The following ZFAT variants were observed in gnomAD, a reference collection of about 807,000 sequenced individuals.
ZFAT encodes the protein zinc finger protein ZFAT.
In ZFAT, 64 loss-of-function variants were observed where a neutral mutation model predicts 117.7. That is an observed-to-expected ratio of 0.54 (90% CI 0.44 to 0.67). The LOEUF is 0.67. Among genes scored for constraint, ZFAT ranks in the 30% least tolerant of loss-of-function variants. The pLI is 0.00. For synonymous variants in ZFAT, 679 were observed against 615.0 expected, an observed-to-expected ratio of 1.10 and a Z score of -1.54; for missense variants, 1,433 against 1,584.5, an observed-to-expected ratio of 0.90 and a Z score of 1.62.
intron 7 of ZFAT, chr8:134,597,767 G>A (rs1011814184): frequency 2.0e-5 from 3 of 152,122 alleles, no homozygotes; most frequent in Admixed American, 6.5e-5. Context: ...CTTTAAAAGC[G>A]TTTCTGCTGG....
intron 6 of ZFAT, 23 bp from the exon 7 acceptor site, chr8:134,600,691 G>A (rs760474148): frequency 4.0e-6 from 6 of 1,517,564 alleles, no homozygotes; most frequent in Non-Finnish European, 5.3e-6. Context: ...TTTCACATGA[G>A]AACAAGGAAG....
At chr8:134,504,376 T>C (rs1819235496) in intron 15 of ZFAT, among the ~76,000 whole-genome samples, 1 of 152,186 alleles carries the variant, frequency 6.6e-6, no homozygotes, top group African/African-American at 2.4e-5. Flanking sequence ...TCAATCATCC[T>C]GACCTTCTTA....
At position 134,712,885 on chromosome 8, in the gene ZFAT, A is replaced by G. The variant is rs781067598; in HGVS notation, c.-22T>C. On this transcript the variant is annotated 5_prime_UTR_variant, in exon 1 of 16. Transcript: ENST00000377838. ...CCATGGCAACGCCCCACCGCGGAGGAAAAAAAAGCCTCGGGCTCTTCCGGG... is the reference window on the plus strand; with the variant it reads ...CCATGGCAACGCCCCACCGCGGAGGGAAAAAAAGCCTCGGGCTCTTCCGGG... The G allele has an allele frequency of 7.9e-5, 108 of 1,364,038 alleles. No homozygotes were observed. Among genetic ancestry groups the G allele is most frequent in the East Asian group, 7.6e-4 (18 of 23,634 alleles). The allele number at this position is 1,364,038 out of a possible 1,614,324, so 84.5% of individuals were successfully genotyped here. A position where few individuals can be genotyped will look rare whatever the true frequency, so the allele number is the denominator to read the frequency against.
upstream of ZFAT, among the ~76,000 whole-genome samples, chr8:134,713,441 C>T (rs775198084): frequency 5.3e-5 from 8 of 152,364 alleles, no homozygotes; most frequent in Non-Finnish European, 1.0e-4. Context: ...ATGTGTCCAT[C>T]GGGGTGCTCC....
chr8:134,789,921 C>T, the ZFAT span, among the ~76,000 whole-genome samples: 5 of 152,216 alleles, frequency 3.3e-5, no homozygotes, highest in Non-Finnish European at 5.9e-5. Flanking sequence ...GTAAAGTCAT[C>T]GCTTAAGTCT....
At position 134,698,434 on chromosome 8, in the gene ZFAT, G is replaced by A. The variant is rs183561744; in HGVS notation, c.19+14411C>T. On this transcript the variant is annotated intron_variant, in intron 1 of 15. Coordinates refer to ENST00000377838, the MANE Select transcript of ZFAT (RefSeq NM_020863.4). ...AGAGGCAGCGGGGGAACCTGACAGC[G>A]CCGGACAGCCAACTATTCAGACACT... Among the ~76,000 whole-genome samples the A allele has an allele frequency of 2.4e-4, 36 of 152,170 alleles. No individual in the cohort carries two copies. In the East Asian group the frequency reaches 3.7e-3, roughly 16 times the overall value.
intron 11 of ZFAT, among the ~76,000 whole-genome samples, chr8:134,564,700 C>T (rs537638955): frequency 6.6e-6 from 1 of 152,322 alleles, no homozygotes; most frequent in South Asian, 2.1e-4. Context: ...AGCAGTAATT[C>T]TCAGGGTCAA....
intron 1 of ZFAT, among the ~76,000 whole-genome samples, chr8:134,706,637 A>AGCCGAGATCGTGCCATT (rs1834158660): frequency 6.6e-6 from 1 of 152,208 alleles, no homozygotes; most frequent in South Asian, 2.1e-4. Context: ...GGTTGCAGTG[A>AGCCGAGATCGTGCCATT]GCCGAGATCG....
intron 10 of ZFAT, among the ~76,000 whole-genome samples, chr8:134,570,714 G>A (rs978388368): frequency 4.6e-5 from 7 of 152,094 alleles, no homozygotes; most frequent in Non-Finnish European, 1.5e-5. Flanking sequence ...TAATCAACAT[G>A]GTCACACAGG....
At chr8:134,709,932 C>G (rs538754698) in intron 1 of ZFAT, among the ~76,000 whole-genome samples, 30 of 152,322 alleles carry the variant, frequency 2.0e-4, no homozygotes, top group Non-Finnish European at 3.8e-4. Flanking sequence ...CATGCAACTC[C>G]ACCTCCTTAT....
the ZFAT span, among the ~76,000 whole-genome samples, chr8:134,744,837 C>G: frequency 7.0e-6 from 1 of 143,646 alleles, no homozygotes; most frequent in Non-Finnish European, 1.5e-5. Flanking sequence ...TCATGCCATT[C>G]TCCTGCCTCA....
chr8:134,519,011 A>G (rs1164108283), intron 13 of ZFAT, among the ~76,000 whole-genome samples: 1 of 152,172 alleles, frequency 6.6e-6, no homozygotes, highest in Non-Finnish European at 1.5e-5. Context: ...CCATCTGTTC[A>G]TGCACACTTA....
At chr8:134,822,253 G>T in the ZFAT span, among the ~76,000 whole-genome samples, 1 of 152,050 alleles carries the variant, frequency 6.6e-6, no homozygotes, top group Non-Finnish European at 1.5e-5. Flanking sequence ...ATTTCCCATG[G>T]TAGACTATTA....
intron 1 of ZFAT, among the ~76,000 whole-genome samples, chr8:134,693,198 G>C (rs892922538): frequency 6.6e-6 from 1 of 152,138 alleles, no homozygotes; most frequent in African/African-American, 2.4e-5. Context: ...AAGAAACCAG[G>C]TCTCCTTGTA....
Position 134,478,632 on chromosome 8 carries a change from G to A in ZFAT, c.3582C>T (p.His1194=). The A allele has an allele frequency of 6.3e-7, 1 of 1,585,630 alleles. No homozygotes were observed. The highest frequency in any genetic ancestry group is 8.6e-7 in the Non-Finnish European group (1 of 1,166,494). ...CCACGTCGTCGGAGGACACCACCAG[G>A]TGGTGCTGCTCGGCAAGCTCCACGG... ...QASVELAEQH[H]LVVSSDDVEG... Residue 1194 remains histidine, a synonymous_variant, in exon 16 of 16, where the codon CAC becomes CAT. Coordinates refer to ENST00000377838, the MANE Select transcript of ZFAT (RefSeq NM_020863.4). The surrounding 1 kb of genome is among the most constrained non-coding windows in gnomAD (Gnocchi z 5.2).
At position 134,548,097 on chromosome 8, in the gene ZFAT, T is replaced by C. The variant is rs114397407; in HGVS notation, c.2977-15125A>G. On this transcript the variant is annotated intron_variant, in intron 11 of 15. Coordinates refer to ENST00000377838, the MANE Select transcript of ZFAT (RefSeq NM_020863.4). ...TCAGAGTCCTACTTCCACCTGGAAG[T>C]TGGCCATGATAAATCTATCACAGTA... is the stretch of plus-strand genomic sequence containing the variant. 9.8e-3 allele frequency among the ~76,000 whole-genome samples: 1,487 copies of C among 152,310 alleles called. 26 individuals carry two copies. The highest frequency in any genetic ancestry group is 0.034 in the African/African-American group (1,396 of 41,552).
At chr8:134,815,562 C>T in the ZFAT span, among the ~76,000 whole-genome samples, 2 of 152,160 alleles carry the variant, frequency 1.3e-5, no homozygotes, top group Non-Finnish European at 2.9e-5. Flanking sequence ...GAATAAAATC[C>T]ATTCTTCTTA....
intron 1 of ZFAT, among the ~76,000 whole-genome samples, chr8:134,661,270 A>G (rs556204852): frequency 6.6e-6 from 1 of 152,322 alleles, no homozygotes; most frequent in South Asian, 2.1e-4. Flanking sequence ...AAATGAGTGG[A>G]TCTGCTGACA....
the ZFAT span, among the ~76,000 whole-genome samples, chr8:134,824,926 G>A: frequency 6.6e-6 from 1 of 152,176 alleles, no homozygotes; most frequent in Non-Finnish European, 1.5e-5. Context: ...AGTGCTGTAA[G>A]GCATAGAATG....
Sources: gnomAD v4.1 joint callset for allele counts (sites outside exome capture counted in the v4.1 genomes callset) on GRCh38, gnomAD v4.1.1 for gene constraint, Gnocchi (gnomAD v3.1) non-coding constraint, MANE v1.5 for transcripts, NCBI Gene and HGNC (gene_info 2026-07-23, HGNC 2026-07-21) for gene names.